CXXC5: variants seen among roughly 807,000 people sequenced by gnomAD.
CXXC5 encodes CXXC-type zinc finger protein 5.
A neutral mutation model predicts 17.6 loss-of-function variants in CXXC5; 2 were observed. The ratio of observed to expected loss-of-function variants is 0.11; its 90% confidence interval spans 0.05 to 0.36. The LOEUF (loss-of-function observed/expected upper bound fraction) is 0.36, where lower values mean the gene tolerates loss of function less well. Ranked by LOEUF, CXXC5 falls within the 10% of genes least tolerant of loss-of-function variation. The pLI, the probability that CXXC5 is intolerant of heterozygous loss-of-function variation, is 1.00. For missense variants in CXXC5, 343 were observed against 458.3 expected, an observed-to-expected ratio of 0.75 and a Z score of 2.30; for synonymous variants, 171 against 193.0, an observed-to-expected ratio of 0.89 and a Z score of 0.94.
intron 1 of CXXC5, among the ~76,000 whole-genome samples, chr5:139,655,963 A>T (rs1755472269): frequency 6.6e-6 from 1 of 152,198 alleles, no homozygotes; most frequent in Non-Finnish European, 1.5e-5. Context: ...AGCAGGGCAG[A>T]GCCAGGCCTG....
Position 139,680,681 on chromosome 5 carries a change from C to T in CXXC5, c.158C>T (p.Thr53Ile), listed in dbSNP as rs752129196. 5.6e-6 allele frequency: 9 copies of T among 1,613,224 alleles called. No homozygotes were observed. In the East Asian group the frequency reaches 1.1e-4, roughly 20 times the overall value. Reference sequence around the variant, plus strand: ...GCACCAGCCTCAGTGGCAGATGACACACCACCCCCCGAGCGTCGGAACAAG... The same window carrying T: ...GCACCAGCCTCAGTGGCAGATGACATACCACCCCCCGAGCGTCGGAACAAG... Reference protein sequence around the residue: ...AAAPASVADDTPPPERRNKSG... With the variant: ...AAAPASVADDIPPPERRNKSG... The change falls in exon 2 of 3, where the codon ACA becomes ATA. Residue 53 changes from threonine (T) to isoleucine (I), a missense_variant. This residue lies in a region of CXXC5 where 297 missense variants were observed against 363.4 expected (regional missense o/e 0.82). Transcript: ENST00000302517.
intron 1 of CXXC5, among the ~76,000 whole-genome samples, chr5:139,679,120 C>T (rs1391536850): frequency 6.6e-6 from 1 of 152,210 alleles, no homozygotes; most frequent in Non-Finnish European, 1.5e-5. Flanking sequence ...CTCCTCAGTG[C>T]CAGCCTGCCC....
At chr5:139,662,482 GA>G (rs1330925990) in intron 1 of CXXC5, among the ~76,000 whole-genome samples, 1 of 152,176 alleles carries the variant, frequency 6.6e-6, no homozygotes, top group Admixed American at 6.5e-5. Context: ...AGTCTGATGG[GA>G]ATGGCTTCAT....
At chr5:139,677,919 C>G (rs565176160) in intron 1 of CXXC5, among the ~76,000 whole-genome samples, 5 of 152,262 alleles carry the variant, frequency 3.3e-5, no homozygotes, top group Admixed American at 1.3e-4. Context: ...CACGCAGAGC[C>G]AGATCCTGGA....
chr5:139,682,782 CCATGGGGG>C, intron 2 of CXXC5, 73 bp from the exon 3 acceptor site: 1 of 1,387,218 alleles, frequency 7.2e-7, no homozygotes, highest in Non-Finnish European at 9.8e-7. Context: ...ATGAGGCCAT[CCATGGGGG>C]AACGTCTTTG....
Position 139,651,908 on chromosome 5 carries a change from C to G in CXXC5, c.-161+3063C>G, listed in dbSNP as rs893016904. On this transcript the variant is annotated intron_variant, in intron 1 of 2. Transcript: ENST00000302517. ...TGTTATTACGTTACTATTGCCCACT[C>G]TTTATATGTTATTCATTTGTTGGCC... Among the ~76,000 whole-genome samples, 3 of 152,126 alleles carry G rather than the reference C, an allele frequency of 2.0e-5. No homozygotes were observed. In the East Asian group the frequency reaches 5.8e-4, roughly 29 times the overall value.
At chr5:139,664,805 C>T (rs1237149790) in intron 1 of CXXC5, among the ~76,000 whole-genome samples, 2 of 152,196 alleles carry the variant, frequency 1.3e-5, no homozygotes, top group Non-Finnish European at 1.5e-5. Context: ...TCAGCCTCAC[C>T]TCCACTGTCC....
rs1755935961 is a variant in CXXC5, at chr5:139,663,564, C to T, written c.-161+14719C>T. Among the ~76,000 whole-genome samples, 1 of 152,148 alleles carries T rather than the reference C, an allele frequency of 6.6e-6. No homozygotes were observed. The highest frequency in any genetic ancestry group is 6.5e-5 in the Admixed American group (1 of 15,274). On this transcript the variant is annotated intron_variant, in intron 1 of 2. Coordinates refer to ENST00000302517, the MANE Select transcript of CXXC5 (RefSeq NM_016463.9). The surrounding 1 kb of genome is among the most constrained non-coding windows in gnomAD (Gnocchi z 4.2). ...TCAGGCTTCTACCACATGTCCATCCCCCCATGGTCCTGCAGGCTAGACGGG... is the reference window on the plus strand; with the variant it reads ...TCAGGCTTCTACCACATGTCCATCCTCCCATGGTCCTGCAGGCTAGACGGG...
chr5:139,666,327 C>A (rs1349545929), intron 1 of CXXC5, among the ~76,000 whole-genome samples: 4 of 152,196 alleles, frequency 2.6e-5, no homozygotes, highest in Non-Finnish European at 5.9e-5. Context: ...TCACCCCCAT[C>A]CCTGTGTGTG....
chr5:139,648,084 T>G, upstream of CXXC5: 1 of 123,660 alleles, frequency 8.1e-6, no homozygotes, highest in Non-Finnish European at 1.7e-5. Flanking sequence ...TTGCGGGAAA[T>G]AGGCGAAGAC....
At chr5:139,654,546 T>C (rs890118426) in intron 1 of CXXC5, among the ~76,000 whole-genome samples, 1 of 152,212 alleles carries the variant, frequency 6.6e-6, no homozygotes, top group African/African-American at 2.4e-5. Flanking sequence ...AGACAAGGAA[T>C]GCATGTCCCC....
At position 139,670,064 on chromosome 5, in the gene CXXC5, T is replaced by C. The variant is rs1756369683; in HGVS notation, c.-160-10300T>C. 6.6e-6 allele frequency among the ~76,000 whole-genome samples: 1 copy of C among 152,216 alleles called. No individual in the cohort carries two copies. Among genetic ancestry groups the C allele is most frequent in the South Asian group, 2.1e-4 (1 of 4,832 alleles). ...GGCGGCTCCTCTCCAGGCGCCCAGC[T>C]GTGGCATCTGTCAAGGTCAGATAGC... On this transcript the variant is annotated intron_variant, in intron 1 of 2. Transcript: ENST00000302517. The surrounding 1 kb of genome is among the most constrained non-coding windows in gnomAD (Gnocchi z 4.2).
rs1377896753 is a variant in CXXC5 at position 139,661,202 on chromosome 5, G to A, written c.-161+12357G>A. Among the ~76,000 whole-genome samples, 2 of 152,192 alleles carry A rather than the reference G, an allele frequency of 1.3e-5. 1 individual carries two copies. Among genetic ancestry groups the A allele is most frequent in the African/African-American group, 4.8e-5 (2 of 41,444 alleles). ...CCGCCCCCCCACCTCTTGCGCTGTC[G>A]GCCATCAGCCCAGCAGAGCAGGGTG... On this transcript the variant is annotated intron_variant, in intron 1 of 2. Coordinates refer to ENST00000302517, the MANE Select transcript of CXXC5 (RefSeq NM_016463.9). This position sits in a 1 kb window ranked among gnomAD's most constrained non-coding sequence, Gnocchi z 4.7.
At chr5:139,653,478 G>A (rs1581564015) in intron 1 of CXXC5, among the ~76,000 whole-genome samples, 1 of 152,176 alleles carries the variant, frequency 6.6e-6, no homozygotes, top group African/African-American at 2.4e-5. Context: ...GAGCCTGTGA[G>A]AGCATGTGTG....
upstream of CXXC5, chr5:139,647,371 G>C (rs1754935165): frequency 6.6e-6 from 1 of 152,306 alleles, no homozygotes; most frequent in African/African-American, 2.4e-5. Context: ...CAAAGAATTG[G>C]AGAAAACTTC....
rs1266267465 is a variant in CXXC5, at chr5:139,653,664, A to G, written c.-161+4819A>G. The stretch of plus-strand genomic sequence containing the variant: ...TACCCATACTCCCAACCCCAAGTCT[A>G]GTGTCTCTGGCCAGAGACTGACTGG... On this transcript the variant is annotated intron_variant, in intron 1 of 2. Coordinates refer to ENST00000302517, the MANE Select transcript of CXXC5 (RefSeq NM_016463.9). Among the ~76,000 whole-genome samples the G allele has an allele frequency of 2.0e-5, 3 of 152,108 alleles. No individual in the cohort carries two copies. The East Asian group carries it at 5.8e-4, about 29-fold the overall frequency.
intron 1 of CXXC5, among the ~76,000 whole-genome samples, chr5:139,671,233 C>T (rs1237584459): frequency 6.6e-6 from 1 of 152,204 alleles, no homozygotes; most frequent in East Asian, 1.9e-4. Context: ...GGCTTGGTGG[C>T]TGCTGGCAGA....
intron 1 of CXXC5, among the ~76,000 whole-genome samples, chr5:139,676,026 G>T (rs1756765441): frequency 6.6e-6 from 1 of 151,622 alleles, no homozygotes; most frequent in Non-Finnish European, 1.5e-5. Flanking sequence ...CCTCCTTCCA[G>T]CTCAGCCAGT....
chr5:139,653,516 T>C (rs1157671003), intron 1 of CXXC5, among the ~76,000 whole-genome samples: 3 of 151,982 alleles, frequency 2.0e-5, no homozygotes, highest in Non-Finnish European at 4.4e-5. Flanking sequence ...CAGATGAGAG[T>C]CCATAGGCTT....
Sources: gnomAD v4.1 joint callset for allele counts (sites outside exome capture counted in the v4.1 genomes callset) on GRCh38, gnomAD v4.1.1 for gene constraint, gnomAD v4.1.1 regional missense constraint, Gnocchi (gnomAD v3.1) non-coding constraint, MANE v1.5 for transcripts, NCBI Gene and HGNC (gene_info 2026-07-23, HGNC 2026-07-21) for gene names.